The following TTLL11 variants were observed in gnomAD, a reference collection of about 807,000 sequenced individuals.
The protein encoded by TTLL11 is tubulin polyglutamylase TTLL11.
TTLL11 carries 42 observed loss-of-function variants against 51.7 expected under a neutral mutation model. That is an observed-to-expected ratio of 0.81 (90% CI 0.64 to 1.05). TTLL11 has a LOEUF of 1.05. Ranked by LOEUF, TTLL11 falls within the 50% of genes least tolerant of loss-of-function variation. The probability of loss-of-function intolerance (pLI) is 0.00; values close to 1 mark genes in which losing one functional copy is unlikely to be tolerated. For synonymous variants in TTLL11, 381 were observed against 383.5 expected (o/e 0.99, Z 0.08); for missense variants, 799 against 940.4 (o/e 0.85, Z 1.97).
chr9:122,077,564 A>C (rs1216211969), intron 1 of TTLL11, among the ~76,000 whole-genome samples: 1 of 152,168 alleles, frequency 6.6e-6, no homozygotes, highest in African/African-American at 2.4e-5. Context: ...CAATCACAGA[A>C]GAAATTTTTA....
chr9:122,075,594 C>A (rs958819603), intron 1 of TTLL11, among the ~76,000 whole-genome samples: 5 of 152,150 alleles, frequency 3.3e-5, no homozygotes, highest in Non-Finnish European at 7.3e-5. Context: ...GTTTTCATAG[C>A]TGTAATATAT....
chr9:121,830,565 G>C (rs1836971633), intron 8 of TTLL11, among the ~76,000 whole-genome samples: 1 of 152,234 alleles, frequency 6.6e-6, no homozygotes, highest in Admixed American at 6.5e-5. Flanking sequence ...CTCTGATTGA[G>C]AGCAAACCCA....
At chr9:121,863,799 C>T (rs145213227) in intron 7 of TTLL11, among the ~76,000 whole-genome samples, 17 of 152,324 alleles carry the variant, frequency 1.1e-4, no homozygotes, top group South Asian at 8.3e-4. Flanking sequence ...TTCAATGAAG[C>T]GTATGCTGAG....
chr9:121,964,294 G>GTTTTT (rs1842333097), intron 6 of TTLL11, among the ~76,000 whole-genome samples: 2 of 134,026 alleles, frequency 1.5e-5, no homozygotes, highest in Admixed American at 1.5e-4. Flanking sequence ...CCTTTTTTTT[G>GTTTTT]TTTTTTGTTT....
intron 6 of TTLL11, among the ~76,000 whole-genome samples, chr9:121,875,474 A>G (rs769412691): frequency 1.8e-4 from 27 of 152,192 alleles, no homozygotes; most frequent in Non-Finnish European, 3.2e-4. Context: ...ATCCTTCCTG[A>G]ATCCCAATTA....
At chr9:121,868,217 C>T (rs1189384299) in intron 7 of TTLL11, among the ~76,000 whole-genome samples, 6 of 152,124 alleles carry the variant, frequency 3.9e-5, no homozygotes, top group Admixed American at 3.3e-4. Context: ...AATACTTCCA[C>T]GGTGCCCTAA....
intron 6 of TTLL11, among the ~76,000 whole-genome samples, chr9:121,886,651 A>G (rs1338851989): frequency 1.3e-5 from 2 of 152,162 alleles, no homozygotes; most frequent in Non-Finnish European, 2.9e-5. Context: ...GTTTGAGGTA[A>G]CTTTTTAGGC....
At chr9:121,855,342 G>A (rs943958455) in intron 8 of TTLL11, among the ~76,000 whole-genome samples, 3 of 152,212 alleles carry the variant, frequency 2.0e-5, no homozygotes, top group East Asian at 1.9e-4. Flanking sequence ...TTATTTAAAC[G>A]GATTATTTGA....
intron 8 of TTLL11, among the ~76,000 whole-genome samples, chr9:121,839,578 C>G (rs1177804445): frequency 6.6e-6 from 1 of 152,186 alleles, no homozygotes; most frequent in Admixed American, 6.5e-5. Context: ...TCTTGATTGT[C>G]TTTAAGTCAT....
chr9:121,942,390 C>T (rs1564317568), intron 6 of TTLL11, among the ~76,000 whole-genome samples: 1 of 152,316 alleles, frequency 6.6e-6, no homozygotes, highest in Middle Eastern at 3.4e-3. Flanking sequence ...CGTCTTGGCC[C>T]TTCACTGTTG....
At chr9:121,885,514 C>A (rs896175364) in intron 6 of TTLL11, 3 of 152,356 alleles carry the variant, frequency 2.0e-5, no homozygotes, top group East Asian at 1.9e-4. Flanking sequence ...ATTCTCACCA[C>A]GACCCTTTGA....
chr9:121,990,567 T>C (rs1843084022), intron 3 of TTLL11, among the ~76,000 whole-genome samples: 1 of 152,204 alleles, frequency 6.6e-6, no homozygotes, highest in African/African-American at 2.4e-5. Context: ...TGTCTTGGTT[T>C]CCTCACTTTA....
At chr9:122,002,981 C>T (rs568761532) in intron 3 of TTLL11, among the ~76,000 whole-genome samples, 42 of 139,378 alleles carry the variant, frequency 3.0e-4, no homozygotes, top group African/African-American at 1.1e-3. Flanking sequence ...CCCAGCGTGT[C>T]GAGCCTCCCT....
intron 1 of TTLL11, among the ~76,000 whole-genome samples, chr9:122,073,441 T>G (rs1249494259): frequency 2.0e-5 from 3 of 151,946 alleles, no homozygotes; most frequent in African/African-American, 7.3e-5. Flanking sequence ...TAAAATCTTG[T>G]GGGAAAGAAA....
At chr9:122,047,444 G>A (rs1336863896) in intron 1 of TTLL11, among the ~76,000 whole-genome samples, 1 of 152,166 alleles carries the variant, frequency 6.6e-6, no homozygotes, top group Non-Finnish European at 1.5e-5. Flanking sequence ...GAGGACAAGA[G>A]GGAAGTGGTG....
intron 6 of TTLL11, among the ~76,000 whole-genome samples, chr9:121,926,434 C>A (rs1362489271): frequency 1.3e-5 from 2 of 152,268 alleles, no homozygotes; most frequent in East Asian, 3.8e-4. Flanking sequence ...GCTAAGGAGT[C>A]ATTCACATTC....
intron 8 of TTLL11, among the ~76,000 whole-genome samples, chr9:121,846,877 A>T (rs1327742241): frequency 1.3e-5 from 2 of 152,226 alleles, no homozygotes; most frequent in African/African-American, 4.8e-5. Context: ...GAAAAAAGTA[A>T]ATTTAATCCA....
chr9:122,093,051 G>GTGGCCC lies in TTLL11; in HGVS notation c.97_98insGGGCCA (p.Ala32_Thr33insArgAla). The GTGGCCC allele has an allele frequency of 6.6e-7, 1 of 1,517,972 alleles. No homozygotes were observed. Among genetic ancestry groups the GTGGCCC allele is most frequent in the African/African-American group, 1.4e-5 (1 of 69,980 alleles). The allele number at this position is 1,517,972 out of a possible 1,614,324, so 94.0% of individuals were successfully genotyped here. A position where few individuals can be genotyped will look rare whatever the true frequency, so the allele number is the denominator to read the frequency against. ...GACCTGTTCCGCCACCGTCTCCGCT[G>GTGGCCC]TGGCCTCGGCCTCAGCTTTGGCCGC... On this transcript the variant is annotated inframe_insertion, in exon 1 of 9. Coordinates refer to ENST00000321582, the MANE Select transcript of TTLL11 (RefSeq NM_001139442.2).
intron 3 of TTLL11, among the ~76,000 whole-genome samples, chr9:122,006,266 A>T (rs749197092): frequency 5.3e-5 from 8 of 151,914 alleles, no homozygotes; most frequent in Non-Finnish European, 5.9e-5. Flanking sequence ...GCTTGATCCC[A>T]GGAGGCAGAG....
Sources: allele counts gnomAD v4.1 joint callset (sites outside exome capture counted in the v4.1 genomes callset), GRCh38; gene constraint gnomAD v4.1.1; transcripts MANE v1.5; gene names NCBI Gene and HGNC (gene_info 2026-07-23, HGNC 2026-07-21).